Variants in PBX1 observed in about 807,000 individuals in gnomAD.
PBX1 encodes pre-B-cell leukemia transcription factor 1.
In PBX1, 6 loss-of-function variants were observed where a neutral mutation model predicts 53.4. That is an observed-to-expected ratio of 0.11 (90% CI 0.06 to 0.22). PBX1 has a LOEUF of 0.22. Among genes scored for constraint, PBX1 ranks in the 10% least tolerant of loss-of-function variants. The pLI is 1.00. For synonymous variants in PBX1, 204 were observed against 212.3 expected (o/e 0.96, Z 0.34); for missense variants, 251 against 551.4 (o/e 0.46, Z 5.46).
intron 2 of PBX1, among the ~76,000 whole-genome samples, chr1:164,767,288 C>T (rs371589887): frequency 8.5e-5 from 13 of 152,180 alleles, no homozygotes; most frequent in African/African-American, 3.1e-4. Flanking sequence ...TTCAAGATGG[C>T]GTCATCAGAG....
chr1:164,624,540 G>A (rs1003791903), intron 2 of PBX1, among the ~76,000 whole-genome samples: 5 of 152,202 alleles, frequency 3.3e-5, no homozygotes, highest in African/African-American at 1.2e-4. Flanking sequence ...CCCTGAGGGA[G>A]CCTTGAAGTT....
At chr1:164,571,852 A>T (rs1366623290) in intron 2 of PBX1, among the ~76,000 whole-genome samples, 2 of 127,184 alleles carry the variant, frequency 1.6e-5, no homozygotes, top group Non-Finnish European at 3.2e-5. Flanking sequence ...GGTCTATTTG[A>T]TATACAAAAA....
intron 2 of PBX1, chr1:164,625,922 G>A (rs1658004403): frequency 9.7e-7 from 1 of 1,027,342 alleles, no homozygotes; most frequent in Admixed American, 5.8e-5. Context: ...TTCTGGATTT[G>A]TGACAGAATT....
At chr1:164,700,440 C>G (rs767833207) in intron 2 of PBX1, 1 of 984,718 alleles carries the variant, frequency 1.0e-6, no homozygotes, top group Admixed American at 6.2e-5. Context: ...GCTTTGGTTA[C>G]GTAGGGGAGG....
chr1:164,611,525 A>C (rs1656928914), intron 2 of PBX1, among the ~76,000 whole-genome samples: 1 of 152,170 alleles, frequency 6.6e-6, no homozygotes, highest in South Asian at 2.1e-4. Context: ...GGCGTGAGCC[A>C]CCGCGCCCGG....
At chr1:164,659,355 A>C (rs528907018) in intron 2 of PBX1, among the ~76,000 whole-genome samples, 2 of 152,210 alleles carry the variant, frequency 1.3e-5, no homozygotes, top group Non-Finnish European at 2.9e-5. Flanking sequence ...TTTTAGTTAC[A>C]GACCTGGAAA....
chr1:164,733,960 A>G (rs1244411169), intron 2 of PBX1, among the ~76,000 whole-genome samples: 1 of 152,142 alleles, frequency 6.6e-6, no homozygotes, highest in Middle Eastern at 3.2e-3. Flanking sequence ...TCTGTGGTTG[A>G]CTAATTAGCA....
At chr1:164,842,296 A>G (rs558340095) in intron 8 of PBX1, among the ~76,000 whole-genome samples, 2 of 152,228 alleles carry the variant, frequency 1.3e-5, no homozygotes, top group South Asian at 4.2e-4. Context: ...CCCATCTGCC[A>G]TTGCCCCATC....
rs983524868 is a variant in PBX1, at chr1:164,663,805, A to G, written c.265+100494A>G. On this transcript the variant is annotated intron_variant, in intron 2 of 8. Transcript: ENST00000420696. ...CAATTGCCAGGTACGTTAGGGGTGA[A>G]CCCCAGGCCAACTTTCATAGTAGAG... 2.0e-5 allele frequency among the ~76,000 whole-genome samples: 3 copies of G among 152,190 alleles called. No individual in the cohort carries two copies. In the East Asian group the frequency reaches 5.8e-4, roughly 29 times the overall value.
At chr1:164,742,843 C>A (rs1004243260) in intron 2 of PBX1, among the ~76,000 whole-genome samples, 1 of 152,164 alleles carries the variant, frequency 6.6e-6, no homozygotes. Context: ...ATAGTCCTGG[C>A]CAGCTTGCTG....
intron 2 of PBX1, among the ~76,000 whole-genome samples, chr1:164,722,473 T>G (rs1224756026): frequency 6.6e-6 from 1 of 152,220 alleles, no homozygotes; most frequent in Admixed American, 6.5e-5. Context: ...ACAAATTGTT[T>G]TGCCACAAAG....
At chr1:164,836,059 T>A (rs1436659446) in intron 8 of PBX1, among the ~76,000 whole-genome samples, 2 of 152,128 alleles carry the variant, frequency 1.3e-5, no homozygotes, top group East Asian at 1.9e-4. Flanking sequence ...CTTGGCTTGT[T>A]TATATAGCCA....
In PBX1 at chr1:164,849,024, T is replaced by G. The variant is rs992529735; in HGVS notation, c.*2348T>G. The G allele has an allele frequency of 1.6e-6, 2 of 1,212,234 alleles. No homozygotes were observed. The highest frequency in any genetic ancestry group is 3.0e-5 in the African/African-American group (2 of 65,984). The allele number at this position is 1,212,234 out of a possible 1,614,324, so 75.1% of individuals were successfully genotyped here. A position where few individuals can be genotyped will look rare whatever the true frequency, so the allele number is the denominator to read the frequency against. ...TAGAAGGAGCATTTTTGTGACAACT[T>G]CATAGTGATTAGAATCAGTGGAGAA... On this transcript the variant is annotated 3_prime_UTR_variant, in exon 9 of 9. Coordinates refer to ENST00000420696, the MANE Select transcript of PBX1 (RefSeq NM_002585.4).
chr1:164,844,175 TAAAA>T (rs1164729318), intron 8 of PBX1, among the ~76,000 whole-genome samples: 1 of 148,794 alleles, frequency 6.7e-6, no homozygotes, highest in African/African-American at 2.5e-5. Flanking sequence ...CTTAAAAACT[TAAAA>T]AAAAAGTTTT....
chr1:164,756,513 C>T (rs1053910998), intron 2 of PBX1, among the ~76,000 whole-genome samples: 6 of 152,002 alleles, frequency 3.9e-5, no homozygotes, highest in East Asian at 3.9e-4. Context: ...ATTTAAAAAA[C>T]GTACACTTAG....
In PBX1 at chr1:164,559,441, T is replaced by C. The variant is rs1190912981; in HGVS notation, c.-382T>C. 1 of 254,828 alleles carries C rather than the reference T, an allele frequency of 3.9e-6. No individual in the cohort carries two copies. Among genetic ancestry groups the C allele is most frequent in the Non-Finnish European group, 7.5e-6 (1 of 133,392 alleles). 15.8% of individuals were successfully genotyped at this position (254,828 alleles called of 1,614,324 possible). On this transcript the variant is annotated 5_prime_UTR_variant, in exon 1 of 9. The change abolishes the stop of an existing upstream ORF in the 5' untranslated region. Coordinates refer to ENST00000420696, the MANE Select transcript of PBX1 (RefSeq NM_002585.4). ...TTGCAAAAGGATTAAGCCACAGATT[T>C]AAGCGCCGGGAGCCCATTTCTGCCT...
At chr1:164,635,310 T>C (rs922042386) in intron 2 of PBX1, among the ~76,000 whole-genome samples, 1 of 152,046 alleles carries the variant, frequency 6.6e-6, no homozygotes, top group Non-Finnish European at 1.5e-5. Flanking sequence ...TGGTATCTGT[T>C]TTAAAAAGTG....
chr1:164,662,830 A>C (rs1444728787), intron 2 of PBX1, among the ~76,000 whole-genome samples: 3 of 90,330 alleles, frequency 3.3e-5, no homozygotes, highest in Admixed American at 3.1e-4. Context: ...ACATGTGTGA[A>C]CATTTATTTT....
chr1:164,583,283 G>GA (rs35998948), intron 2 of PBX1, among the ~76,000 whole-genome samples: 4,794 of 144,010 alleles, frequency 0.033, 365 homozygotes, highest in East Asian at 0.3. Flanking sequence ...AGAGAGGCGG[G>GA]AAAAAAAAAA....
Sources: gnomAD v4.1 joint callset for allele counts (sites outside exome capture counted in the v4.1 genomes callset) on GRCh38, gnomAD v4.1.1 for gene constraint, MANE v1.5 for transcripts, NCBI Gene and HGNC (gene_info 2026-07-23, HGNC 2026-07-21) for gene names.